The following CTNND2 variants were observed in gnomAD, a reference collection of about 807,000 sequenced individuals.
CTNND2 encodes the protein catenin delta-2.
In CTNND2, 22 loss-of-function variants were observed where a neutral mutation model predicts 144.4. The observed-to-expected ratio is 0.15, with a 90% CI of 0.11 to 0.22. The LOEUF is 0.22. Among genes scored for constraint, CTNND2 ranks in the 10% least tolerant of loss-of-function variants. CTNND2 has a pLI of 1.00. For synonymous variants in CTNND2, 751 were observed against 695.6 expected, an observed-to-expected ratio of 1.08 and a Z score of -1.25; for missense variants, 1,353 against 1,618.8, an observed-to-expected ratio of 0.84 and a Z score of 2.82.
At chr5:11,239,523 C>T (rs1345376490) in intron 9 of CTNND2, among the ~76,000 whole-genome samples, 4 of 152,220 alleles carry the variant, frequency 2.6e-5, no homozygotes, top group Non-Finnish European at 4.4e-5. Flanking sequence ...AATCACCACT[C>T]TTCCCACCTG....
chr5:11,239,250 G>C (rs543442505), intron 9 of CTNND2, among the ~76,000 whole-genome samples: 2 of 152,254 alleles, frequency 1.3e-5, no homozygotes, highest in Non-Finnish European at 2.9e-5. Flanking sequence ...AGGTTTAGGG[G>C]CTCTTTGCAC....
chr5:11,479,680 A>AATATTTTTGATT (rs1768065527), intron 3 of CTNND2, among the ~76,000 whole-genome samples: 1 of 151,944 alleles, frequency 6.6e-6, no homozygotes, highest in African/African-American at 2.4e-5. Flanking sequence ...TGATTTCTTA[A>AATATTTTTGATT]TCATAGCCAC....
At chr5:11,122,125 CTG>C (rs1394356918) in intron 12 of CTNND2, among the ~76,000 whole-genome samples, 1 of 152,060 alleles carries the variant, frequency 6.6e-6, no homozygotes, top group East Asian at 1.9e-4. Context: ...CTGTGACTGA[CTG>C]TGCTCTATGC....
chr5:11,787,145 G>A (rs1458914282), intron 1 of CTNND2, among the ~76,000 whole-genome samples: 1 of 152,152 alleles, frequency 6.6e-6, no homozygotes, highest in African/African-American at 2.4e-5. Context: ...TGTAGGGATT[G>A]GGGAAAGCAA....
At position 11,254,459 on chromosome 5, in the gene CTNND2, A is replaced by C. The variant is rs552206698; in HGVS notation, c.1629-17636T>G. 2.0e-5 allele frequency among the ~76,000 whole-genome samples: 3 copies of C among 152,274 alleles called. No individual in the cohort carries two copies. The South Asian group carries it at 6.2e-4, about 32-fold the overall frequency. ...AAAGAACATGGTTCCTACCTTGCAC[A>C]ATAGAACTGGGAACTCTCAAATTTT... On this transcript the variant is annotated intron_variant, in intron 9 of 21. Transcript: ENST00000304623.
intron 10 of CTNND2, among the ~76,000 whole-genome samples, chr5:11,213,943 A>G (rs1282405780): frequency 6.6e-6 from 1 of 152,120 alleles, no homozygotes; most frequent in Non-Finnish European, 1.5e-5. Context: ...CCCTCACCAA[A>G]ATGGGATTCA....
chr5:11,689,425 T>C (rs1173184119), intron 2 of CTNND2, among the ~76,000 whole-genome samples: 1 of 152,190 alleles, frequency 6.6e-6, no homozygotes, highest in African/African-American at 2.4e-5. Context: ...AATTAAATAA[T>C]ACTTTACTTT....
At chr5:11,037,899 C>T (rs1342829109) in intron 16 of CTNND2, among the ~76,000 whole-genome samples, 1 of 152,098 alleles carries the variant, frequency 6.6e-6, no homozygotes, top group Non-Finnish European at 1.5e-5. Flanking sequence ...AACTATACAA[C>T]AACTGAAAGC....
chr5:10,989,760 G>T (rs183815696), intron 19 of CTNND2, among the ~76,000 whole-genome samples: 85 of 152,302 alleles, frequency 5.6e-4, no homozygotes, highest in African/African-American at 1.9e-3. Context: ...CTGAACTTGT[G>T]CAGCTCTCAA....
At chr5:11,177,272 G>A (rs942054607) in intron 11 of CTNND2, among the ~76,000 whole-genome samples, 14 of 152,154 alleles carry the variant, frequency 9.2e-5, no homozygotes, top group Admixed American at 2.6e-4. Context: ...ACCCTCAGGG[G>A]AAATCCTGGT....
At chr5:11,196,610 C>A (rs1392440768) in intron 11 of CTNND2, among the ~76,000 whole-genome samples, 4 of 152,218 alleles carry the variant, frequency 2.6e-5, no homozygotes, top group Non-Finnish European at 5.9e-5. Flanking sequence ...TGGCTCCTTG[C>A]GACAAAAGAC....
intron 19 of CTNND2, among the ~76,000 whole-genome samples, 163 bp downstream of exon 19, chr5:10,992,388 C>A (rs182890340): frequency 9.2e-5 from 14 of 152,330 alleles, no homozygotes; most frequent in African/African-American, 2.6e-4. Flanking sequence ...ATACAAAACA[C>A]AGAGTGGCCA....
chr5:11,533,493 T>C (rs1369168151), intron 3 of CTNND2, among the ~76,000 whole-genome samples: 1 of 152,164 alleles, frequency 6.6e-6, no homozygotes, highest in Non-Finnish European at 1.5e-5. Context: ...AAGGACCCCA[T>C]AGCCTTGGCC....
intron 18 of CTNND2, among the ~76,000 whole-genome samples, chr5:11,001,020 T>C (rs894366593): frequency 1.3e-5 from 2 of 152,174 alleles, no homozygotes; most frequent in Admixed American, 6.5e-5. Flanking sequence ...GGCCCTTCAG[T>C]CTCCATTCCC....
At chr5:11,497,578 G>T (rs1184863222) in intron 3 of CTNND2, among the ~76,000 whole-genome samples, 4 of 139,382 alleles carry the variant, frequency 2.9e-5, no homozygotes, top group African/African-American at 1.1e-4. Context: ...GCCTTTTAAA[G>T]TACTGAAATA....
intron 10 of CTNND2, among the ~76,000 whole-genome samples, chr5:11,226,636 T>C (rs1297903129): frequency 6.6e-6 from 1 of 152,200 alleles, no homozygotes; most frequent in African/African-American, 2.4e-5. Flanking sequence ...TCAAATCTTA[T>C]GAGACTTATT....
At chr5:11,191,793 G>A (rs1458586474) in intron 11 of CTNND2, among the ~76,000 whole-genome samples, 2 of 152,088 alleles carry the variant, frequency 1.3e-5, no homozygotes, top group African/African-American at 2.4e-5. Context: ...GCAGCTTTGT[G>A]TATCACTCAT....
rs1742403916 is a variant in CTNND2 at position 11,022,750 on chromosome 5, G to A, written c.2999+19C>T. ...CCAATTTTACCAGGACAGAGATATG[G>A]CGTCACCAGGTAACTTACTTATCTC... On this transcript the variant is annotated intron_variant, in intron 17 of 21. Transcript: ENST00000304623. The A allele has an allele frequency of 1.9e-6, 3 of 1,600,310 alleles. No homozygotes were observed. Among genetic ancestry groups the A allele is most frequent in the Non-Finnish European group, 2.6e-6 (3 of 1,168,446 alleles).
At chr5:11,879,456 T>G (rs1735870240) in intron 1 of CTNND2, among the ~76,000 whole-genome samples, 1 of 150,766 alleles carries the variant, frequency 6.6e-6, no homozygotes, top group African/African-American at 2.4e-5. Context: ...TTTCTTAACA[T>G]CTGGGAACAG....
Sources: gnomAD v4.1 joint callset for allele counts (sites outside exome capture counted in the v4.1 genomes callset) on GRCh38, gnomAD v4.1.1 for gene constraint, MANE v1.5 for transcripts, NCBI Gene and HGNC (gene_info 2026-07-23, HGNC 2026-07-21) for gene names.